Variants in POU6F2 observed in about 807,000 individuals in gnomAD.
POU6F2 encodes POU domain, class 6, transcription factor 2.
Under a neutral mutation model 71.3 loss-of-function variants are expected in POU6F2, and 31 were observed. The ratio of observed to expected loss-of-function variants is 0.43; its 90% CI spans 0.33 to 0.59. The LOEUF is 0.59. POU6F2 is among the 20% of genes least tolerant of loss of function. The pLI is 0.04. For missense variants in POU6F2, 783 were observed against 856.8 expected, an observed-to-expected ratio of 0.91 and a Z score of 1.07; for synonymous variants, 347 against 355.7, an observed-to-expected ratio of 0.98 and a Z score of 0.27.
At chr7:39,356,654 A>G (rs745432124) in intron 5 of POU6F2, among the ~76,000 whole-genome samples, 5 of 152,210 alleles carry the variant, frequency 3.3e-5, no homozygotes, top group Non-Finnish European at 7.3e-5. Flanking sequence ...TATTCATGTC[A>G]CAAATATGTA....
intron 4 of POU6F2, among the ~76,000 whole-genome samples, chr7:39,265,836 C>T (rs1450961790): frequency 2.0e-5 from 3 of 152,164 alleles, no homozygotes; most frequent in Admixed American, 1.3e-4. Context: ...ATTAATAGAG[C>T]GGTGTGCAGA....
intron 4 of POU6F2, among the ~76,000 whole-genome samples, chr7:39,242,164 G>A (rs1232016728): frequency 7.9e-5 from 12 of 152,086 alleles, no homozygotes; most frequent in Non-Finnish European, 1.5e-4. Context: ...TAAACCCACT[G>A]TAAACGTTTG....
chr7:39,440,353 C>A (rs978360784), intron 7 of POU6F2, among the ~76,000 whole-genome samples: 4 of 152,024 alleles, frequency 2.6e-5, no homozygotes, highest in African/African-American at 9.7e-5. Flanking sequence ...TGATGAAGTC[C>A]CGTATTTCTT....
chr7:39,056,567 A>G (rs2128714928), intron 1 of POU6F2, among the ~76,000 whole-genome samples: 1 of 151,588 alleles, frequency 6.6e-6, no homozygotes, highest in Middle Eastern at 3.4e-3. Context: ...AAAAATTATT[A>G]CTCTAAAAAC....
intron 2 of POU6F2, among the ~76,000 whole-genome samples, chr7:39,193,355 T>G (rs185803548): frequency 2.0e-5 from 3 of 152,294 alleles, no homozygotes; most frequent in Non-Finnish European, 2.9e-5. Flanking sequence ...CCCACCATAC[T>G]GGGAATGTAG....
rs573120570 is a variant in POU6F2, at chr7:39,366,522, A to T, written c.972+26507A>T. On this transcript the variant is annotated intron_variant, in intron 5 of 9. Transcript: ENST00000518318. ...TATAGTCCCTGGGTATGAGCTTCTA[A>T]ACTGTGGTCTTCAAGGAGATGGGAG... is the stretch of plus-strand genomic sequence containing the variant. Among the ~76,000 whole-genome samples, 67 of 152,244 alleles carry T rather than the reference A, an allele frequency of 4.4e-4. No homozygotes were observed. The South Asian group carries it at 0.013, about 29-fold the overall frequency.
chr7:38,988,489 G>C (rs1788515529), intron 1 of POU6F2, among the ~76,000 whole-genome samples: 1 of 152,084 alleles, frequency 6.6e-6, no homozygotes, highest in Non-Finnish European at 1.5e-5. Flanking sequence ...ATGTATCCCT[G>C]TGTGTCTGTG....
intron 1 of POU6F2, among the ~76,000 whole-genome samples, chr7:39,054,781 T>A (rs1385795091): frequency 1.4e-5 from 2 of 140,108 alleles, no homozygotes; most frequent in African/African-American, 2.6e-5. Context: ...TGGAGACACT[T>A]AAAAAAAAAA....
intron 4 of POU6F2, among the ~76,000 whole-genome samples, chr7:39,328,312 A>G (rs1197106424): frequency 2.0e-5 from 3 of 152,174 alleles, no homozygotes; most frequent in East Asian, 1.9e-4. Flanking sequence ...GGATCTCCCA[A>G]ATAATTTTTT....
At chr7:39,281,497 T>C (rs936953162) in intron 4 of POU6F2, among the ~76,000 whole-genome samples, 1 of 152,026 alleles carries the variant, frequency 6.6e-6, no homozygotes, top group Admixed American at 6.6e-5. Flanking sequence ...TATTCTACTT[T>C]CTATTTCTAT....
intron 4 of POU6F2, among the ~76,000 whole-genome samples, chr7:39,303,712 A>G (rs1784998378): frequency 1.3e-5 from 2 of 152,234 alleles, no homozygotes; most frequent in Admixed American, 1.3e-4. Context: ...CAGCACACCT[A>G]GCAATGGCCT....
intron 4 of POU6F2, among the ~76,000 whole-genome samples, chr7:39,220,182 C>T (rs1794320381): frequency 6.6e-6 from 1 of 152,198 alleles, no homozygotes; most frequent in South Asian, 2.1e-4. Flanking sequence ...TTCTGTTACT[C>T]ACTTCCAGTT....
chr7:39,053,531 G>T, intron 1 of POU6F2, among the ~76,000 whole-genome samples: 1 of 152,008 alleles, frequency 6.6e-6, no homozygotes, highest in East Asian at 1.9e-4. Flanking sequence ...GAGGTAAAGA[G>T]TGAGTTACTT....
At chr7:39,419,089 A>G (rs1562544495) in intron 6 of POU6F2, among the ~76,000 whole-genome samples, 20 of 75,066 alleles carry the variant, frequency 2.7e-4, no homozygotes, top group Middle Eastern at 0.013. Flanking sequence ...ATATACGTAT[A>G]TGTGTATATA....
chr7:39,161,410 A>G (rs901916380), intron 2 of POU6F2, among the ~76,000 whole-genome samples: 1 of 152,220 alleles, frequency 6.6e-6, no homozygotes, highest in African/African-American at 2.4e-5. Flanking sequence ...AAAGGTCAGT[A>G]GAATTGTAGT....
intron 1 of POU6F2, among the ~76,000 whole-genome samples, chr7:39,085,338 CCTAT>C (rs1260245369): frequency 6.6e-6 from 1 of 151,918 alleles, no homozygotes; most frequent in Non-Finnish European, 1.5e-5. Flanking sequence ...CTCTTTTCTC[CCTAT>C]CTTTTTTCTC....
intron 4 of POU6F2, among the ~76,000 whole-genome samples, chr7:39,275,603 A>G (rs944949766): frequency 6.6e-6 from 1 of 152,232 alleles, no homozygotes; most frequent in African/African-American, 2.4e-5. Flanking sequence ...AGTCAATCCT[A>G]AGCCAAAAGA....
chr7:39,252,403 C>CAG (rs1562764064), intron 4 of POU6F2, among the ~76,000 whole-genome samples: 222 of 57,374 alleles, frequency 3.9e-3, no homozygotes, highest in African/African-American at 7.8e-3. Context: ...CAGACAGACA[C>CAG]ACACACACAC....
At chr7:39,252,482 TAACC>T (rs1783943625) in intron 4 of POU6F2, among the ~76,000 whole-genome samples, 2 of 151,016 alleles carry the variant, frequency 1.3e-5, no homozygotes, top group South Asian at 4.2e-4. Context: ...AAAATCTAAC[TAACC>T]AACAGCTTGA....
Sources: gnomAD v4.1 joint callset for allele counts (sites outside exome capture counted in the v4.1 genomes callset) on GRCh38, gnomAD v4.1.1 for gene constraint, MANE v1.5 for transcripts, NCBI Gene and HGNC (gene_info 2026-07-23, HGNC 2026-07-21) for gene names.